The following RNF8 variants were observed in gnomAD, a reference collection of about 807,000 sequenced individuals.
The protein encoded by RNF8 is ring finger protein 8.
In RNF8, 8 loss-of-function variants were observed where a neutral mutation model predicts 59.3. The observed-to-expected ratio is 0.13, with a 90% CI of 0.08 to 0.24. The LOEUF (loss-of-function observed/expected upper bound fraction) is 0.24, where lower values mean the gene tolerates loss of function less well. Ranked by LOEUF, RNF8 falls within the 10% of genes least tolerant of loss-of-function variation. The probability of loss-of-function intolerance (pLI) is 1.00; values close to 1 mark genes in which losing one functional copy is unlikely to be tolerated. For synonymous variants in RNF8, 162 were observed against 200.0 expected (o/e 0.81, Z 1.60); for missense variants, 406 against 572.6 (o/e 0.71, Z 2.97).
At chr6:37,367,368 T>G (rs1385923264) in intron 2 of RNF8, among the ~76,000 whole-genome samples, 1 of 152,232 alleles carries the variant, frequency 6.6e-6, no homozygotes, top group Non-Finnish European at 1.5e-5. Context: ...ACCTCAATAC[T>G]ATGACTTCAT....
intron 3 of RNF8, 124 bp downstream of exon 3, chr6:37,369,342 T>C: frequency 8.5e-7 from 1 of 1,178,874 alleles, no homozygotes; most frequent in Non-Finnish European, 1.2e-6. Context: ...AGACAGGAAA[T>C]GGAATGGGAA....
rs1052832539 is a variant in RNF8 at position 37,392,881 on chromosome 6, T to C, written c.*2123T>C. On this transcript the variant is annotated 3_prime_UTR_variant, in exon 8 of 8. Transcript: ENST00000373479. ...GTTGCCTAGGCTGGTCTTGAAATTC[T>C]GGGCTAAAGCAATCCTACCACCTTG... 2.9e-6 allele frequency: 1 copy of C among 341,014 alleles called. No individual in the cohort carries two copies. Among genetic ancestry groups the C allele is most frequent in the Non-Finnish European group, 5.2e-6 (1 of 192,730 alleles). 21.1% of individuals were successfully genotyped at this position (341,014 alleles called of 1,614,324 possible). A position where few individuals can be genotyped will look rare whatever the true frequency, so the allele number is the denominator to read the frequency against.
chr6:37,377,054 A>G, intron 6 of RNF8, 21 bp downstream of exon 6: 2 of 545,804 alleles, frequency 3.7e-6, no homozygotes, highest in South Asian at 2.7e-5. Context: ...ACAGTTGCTC[A>G]CCCCTTCTTT....
rs182444080 is a variant in RNF8 at position 37,391,647 on chromosome 6, T to C, written c.*889T>C. On this transcript the variant is annotated 3_prime_UTR_variant, in exon 8 of 8. Transcript: ENST00000373479. ...CTCTCTTTTCTCCACCTCTCCTTTA[T>C]TTTTAATTTTAATTTTAATTTTTGA... 4.6e-5 allele frequency: 7 copies of C among 152,228 alleles called. No homozygotes were observed. The highest frequency in any genetic ancestry group is 4.4e-5 in the Non-Finnish European group (3 of 68,050). 9.4% of individuals were successfully genotyped at this position (152,228 alleles called of 1,614,324 possible). A position where few individuals can be genotyped will look rare whatever the true frequency, so the allele number is the denominator to read the frequency against.
chr6:37,360,723 C>T lies in RNF8; in HGVS notation c.240+149C>T, dbSNP rs1769285961. ...TTCCCTTTTCCAGAGGCAGCCACTTCCATATGCTGCCAGAGATTCGATTAT... is the reference window on the plus strand; with the variant it reads ...TTCCCTTTTCCAGAGGCAGCCACTTTCATATGCTGCCAGAGATTCGATTAT... On this transcript the variant is annotated intron_variant, in intron 2 of 7. Transcript: ENST00000373479. The surrounding 1 kb of genome is among the most constrained non-coding windows in gnomAD (Gnocchi z 4.2). The T allele has an allele frequency of 4.3e-6, 3 of 698,666 alleles. No individual in the cohort carries two copies. The highest frequency in any genetic ancestry group is 6.8e-6 in the Non-Finnish European group (3 of 439,340). 43.3% of individuals were successfully genotyped at this position (698,666 alleles called of 1,614,324 possible).
Position 37,390,977 on chromosome 6 carries a change from A to G in RNF8, c.*219A>G, listed in dbSNP as rs1028934220. The G allele has an allele frequency of 2.9e-6, 2 of 682,062 alleles. No individual in the cohort carries two copies. Among genetic ancestry groups the G allele is most frequent in the Admixed American group, 2.4e-5 (1 of 42,164 alleles). 42.3% of individuals were successfully genotyped at this position (682,062 alleles called of 1,614,324 possible). A position where few individuals can be genotyped will look rare whatever the true frequency, so the allele number is the denominator to read the frequency against. On this transcript the variant is annotated 3_prime_UTR_variant, in exon 8 of 8. Transcript: ENST00000373479. ...GCACCACCAGGATTCACGGCACCCA[A>G]CTGCTTCAGGGTACTTCGTAGACTC...
At chr6:37,386,772 GC>G in intron 7 of RNF8, among the ~76,000 whole-genome samples, 1 of 152,336 alleles carries the variant, frequency 6.6e-6, no homozygotes, top group East Asian at 1.9e-4. Context: ...TGGGAAAAGG[GC>G]CTGGAGATGG....
Position 37,393,466 on chromosome 6 carries a change from C to T in RNF8, c.*2708C>T, listed in dbSNP as rs1204301414. ...TAGAAAATACACGGTAACTTTTCTG[C>T]CTTGCAGCATCAAACTATAGTACAG... On this transcript the variant is annotated 3_prime_UTR_variant, in exon 8 of 8. Transcript: ENST00000373479. 1.3e-5 allele frequency: 2 copies of T among 152,208 alleles called. No individual in the cohort carries two copies. The highest frequency in any genetic ancestry group is 3.8e-4 in the East Asian group (2 of 5,198). The allele number at this position is 152,208 out of a possible 1,614,324, so 9.4% of individuals were successfully genotyped here.
At chr6:37,390,042 C>T (rs1470597519) in intron 7 of RNF8, among the ~76,000 whole-genome samples, 1 of 152,234 alleles carries the variant, frequency 6.6e-6, no homozygotes, top group South Asian at 2.1e-4. Context: ...ATTGGAAAAG[C>T]CTGGAGGCTA....
intron 3 of RNF8, among the ~76,000 whole-genome samples, chr6:37,369,580 C>G (rs913392304): frequency 6.6e-6 from 1 of 152,170 alleles, no homozygotes; most frequent in Non-Finnish European, 1.5e-5. Flanking sequence ...CAGTATAGTC[C>G]AATTGAATCA....
intron 7 of RNF8, among the ~76,000 whole-genome samples, chr6:37,382,159 C>T (rs960603225): frequency 2.1e-4 from 32 of 152,132 alleles, no homozygotes; most frequent in Admixed American, 1.7e-3. Context: ...TCAGCCCTTA[C>T]GGCACAAACA....
intron 1 of RNF8, chr6:37,359,367 T>C (rs2113814250): frequency 3.5e-6 from 1 of 286,380 alleles, no homozygotes; most frequent in East Asian, 9.3e-5. Flanking sequence ...TGTGGGTTAA[T>C]GTTTACTAGG....
chr6:37,357,354 A>G (rs1301988482), intron 1 of RNF8, among the ~76,000 whole-genome samples: 5 of 152,140 alleles, frequency 3.3e-5, no homozygotes, highest in African/African-American at 1.2e-4. Flanking sequence ...AAGGATGTAA[A>G]AGAATGATTC....
chr6:37,381,107 A>C, intron 6 of RNF8, 43 bp from the exon 7 acceptor site: 1 of 1,531,744 alleles, frequency 6.5e-7, no homozygotes, highest in Non-Finnish European at 9.0e-7. Context: ...CTGAGAAAGT[A>C]AGCATGAAAG....
intron 2 of RNF8, chr6:37,361,120 G>A (rs772059745): frequency 2.7e-6 from 1 of 374,426 alleles, no homozygotes; most frequent in Non-Finnish European, 5.2e-6. Context: ...CACTAGTTTA[G>A]TGGTAAATAT....
intron 2 of RNF8, among the ~76,000 whole-genome samples, chr6:37,363,568 T>A (rs536872400): frequency 6.6e-6 from 1 of 152,340 alleles, no homozygotes; most frequent in South Asian, 2.1e-4. Flanking sequence ...ATGGAATACC[T>A]CTACACATTC....
At chr6:37,378,207 T>A (rs1004987612) in intron 6 of RNF8, among the ~76,000 whole-genome samples, 1 of 151,886 alleles carries the variant, frequency 6.6e-6, no homozygotes, top group African/African-American at 2.4e-5. Context: ...GGCAGGAGAA[T>A]CACTTCAATT....
At chr6:37,380,078 A>C (rs1310742129) in intron 6 of RNF8, among the ~76,000 whole-genome samples, 1 of 147,646 alleles carries the variant, frequency 6.8e-6, no homozygotes, top group Non-Finnish European at 1.5e-5. Context: ...ATGCCTGGCT[A>C]TTTTTTTTTT....
chr6:37,378,273 G>A (rs1298436766), intron 6 of RNF8, among the ~76,000 whole-genome samples: 1 of 151,906 alleles, frequency 6.6e-6, no homozygotes, highest in Non-Finnish European at 1.5e-5. Flanking sequence ...CAGCCTGGGT[G>A]ACAGAGCAAG....
Sources: allele counts gnomAD v4.1 joint callset (sites outside exome capture counted in the v4.1 genomes callset), GRCh38; gene constraint gnomAD v4.1.1; non-coding constraint Gnocchi (gnomAD v3.1); transcripts MANE v1.5; gene names NCBI Gene and HGNC (gene_info 2026-07-23, HGNC 2026-07-21).